Variants in PARD3B observed in about 807,000 individuals in gnomAD.
PARD3B encodes the protein par-3 family cell polarity regulator beta.
In PARD3B, 103 loss-of-function variants were observed where a neutral mutation model predicts 130.2. That is an observed-to-expected ratio of 0.79 (90% CI 0.67 to 0.93). The LOEUF (loss-of-function observed/expected upper bound fraction) is 0.93, where lower values mean the gene tolerates loss of function less well. Ranked by LOEUF, PARD3B falls within the 40% of genes least tolerant of loss-of-function variation. The pLI is 0.00. For missense variants in PARD3B, 1,609 were observed against 1,499.2 expected, an observed-to-expected ratio of 1.07 and a Z score of -1.21; for synonymous variants, 583 against 553.2, an observed-to-expected ratio of 1.05 and a Z score of -0.76.
chr2:204,559,357 C>A (rs984780785), intron 1 of PARD3B, among the ~76,000 whole-genome samples: 6 of 152,016 alleles, frequency 3.9e-5, no homozygotes, highest in African/African-American at 9.7e-5. Context: ...AAAAAAACAA[C>A]CCCATCACAA....
At chr2:205,161,411 A>C (rs1002838113) in intron 11 of PARD3B, among the ~76,000 whole-genome samples, 1 of 152,182 alleles carries the variant, frequency 6.6e-6, no homozygotes. Flanking sequence ...ATCAGTCATG[A>C]ACTTAGCCTT....
intron 15 of PARD3B, among the ~76,000 whole-genome samples, chr2:205,210,252 G>A (rs1404152631): frequency 6.6e-6 from 1 of 151,172 alleles, no homozygotes; most frequent in East Asian, 1.9e-4. Flanking sequence ...AAAATAAAAA[G>A]AAAATCAGCT....
At chr2:205,478,159 C>T (rs546575949) in intron 20 of PARD3B, among the ~76,000 whole-genome samples, 1 of 152,310 alleles carries the variant, frequency 6.6e-6, no homozygotes, top group East Asian at 1.9e-4. Context: ...CTATGGCTAC[C>T]TAGCACTGTC....
intron 20 of PARD3B, among the ~76,000 whole-genome samples, chr2:205,484,061 A>G (rs1195309252): frequency 5.9e-5 from 9 of 152,110 alleles, no homozygotes; most frequent in African/African-American, 1.7e-4. Flanking sequence ...AAATGGGGGG[A>G]AAAATACCAC....
At chr2:205,551,361 T>G (rs2052639038) in intron 21 of PARD3B, among the ~76,000 whole-genome samples, 2 of 151,934 alleles carry the variant, frequency 1.3e-5, no homozygotes, top group African/African-American at 4.8e-5. Flanking sequence ...CTTTTTTTTT[T>G]TTTTATCCCC....
rs550927824 is a variant in PARD3B, at chr2:205,009,429, T to C, written c.395-38152T>C. Among the ~76,000 whole-genome samples the C allele has an allele frequency of 4.7e-4, 71 of 151,840 alleles. 1 individual carries two copies. The South Asian group carries it at 6.3e-3, about 13-fold the overall frequency. On this transcript the variant is annotated intron_variant, in intron 3 of 22. Coordinates refer to ENST00000406610, the MANE Select transcript of PARD3B (RefSeq NM_001302769.2). ...GCTCATGCCTGTAATCCCAGCACTT[T>C]GGGAGGCAGAGGCGGGTGGATCACA...
intron 2 of PARD3B, among the ~76,000 whole-genome samples, chr2:204,845,133 T>A (rs940579884): frequency 5.3e-5 from 8 of 152,132 alleles, no homozygotes; most frequent in African/African-American, 1.9e-4. Context: ...TTTGAGAGAA[T>A]GTAATAGAGG....
intron 10 of PARD3B, among the ~76,000 whole-genome samples, chr2:205,154,964 A>G (rs1213659995): frequency 6.6e-6 from 1 of 152,166 alleles, no homozygotes; most frequent in African/African-American, 2.4e-5. Context: ...TAATGGGTGC[A>G]GCACACCAAC....
intron 2 of PARD3B, among the ~76,000 whole-genome samples, chr2:204,746,715 A>G (rs1404021874): frequency 6.6e-6 from 1 of 151,984 alleles, no homozygotes; most frequent in Admixed American, 6.5e-5. Context: ...TTTGATTTGC[A>G]TTTCTCTGAT....
intron 15 of PARD3B, among the ~76,000 whole-genome samples, chr2:205,231,371 G>C (rs902431555): frequency 1.3e-5 from 2 of 150,668 alleles, no homozygotes; most frequent in African/African-American, 4.9e-5. Context: ...CTGTTGCCCA[G>C]TCTGGAGTAC....
chr2:205,145,052 G>A (rs552950716), intron 10 of PARD3B, among the ~76,000 whole-genome samples: 3 of 152,198 alleles, frequency 2.0e-5, no homozygotes, highest in Admixed American at 6.5e-5. Flanking sequence ...GGTCCTCTAA[G>A]GAAAATGAAG....
intron 2 of PARD3B, among the ~76,000 whole-genome samples, chr2:204,873,010 A>G (rs1254469396): frequency 6.6e-6 from 1 of 152,174 alleles, no homozygotes; most frequent in African/African-American, 2.4e-5. Context: ...ACTTCACTTG[A>G]AGAAAGGGCA....
chr2:205,003,710 C>T (rs1695033839), intron 3 of PARD3B, among the ~76,000 whole-genome samples: 2 of 152,208 alleles, frequency 1.3e-5, no homozygotes, highest in Admixed American at 1.3e-4. Context: ...AGATTTCTGT[C>T]TGTTTTTCCT....
At chr2:204,996,737 C>T (rs1041545410) in intron 3 of PARD3B, among the ~76,000 whole-genome samples, 9 of 148,874 alleles carry the variant, frequency 6.0e-5, no homozygotes, top group African/African-American at 1.7e-4. Flanking sequence ...AGCGAGATTC[C>T]GTGGGCGTAG....
chr2:205,471,591 G>C (rs1199946984), intron 20 of PARD3B, among the ~76,000 whole-genome samples: 4 of 151,818 alleles, frequency 2.6e-5, no homozygotes, highest in Non-Finnish European at 4.4e-5. Context: ...TCAAACTCCT[G>C]ACCTCAGGTG....
intron 2 of PARD3B, among the ~76,000 whole-genome samples, chr2:204,768,840 T>C (rs986634090): frequency 1.3e-5 from 1 of 75,252 alleles, no homozygotes; most frequent in African/African-American, 5.6e-5. Flanking sequence ...GTGATTTTTG[T>C]ACATTGATTT....
intron 22 of PARD3B, among the ~76,000 whole-genome samples, chr2:205,595,348 C>G (rs549489808): frequency 3.3e-5 from 5 of 152,316 alleles, no homozygotes; most frequent in African/African-American, 1.2e-4. Flanking sequence ...CTCTGAAGTT[C>G]AAAAACCAGC....
chr2:205,300,461 T>G lies in PARD3B; in HGVS notation c.2186-69T>G, dbSNP rs11690400. ...TTGGGATGTCCAGACAGAAATATTC[T>G]TAGAACAATAGCATTACACCACACT... On this transcript the variant is annotated intron_variant, in intron 16 of 22. Coordinates refer to ENST00000406610, the MANE Select transcript of PARD3B (RefSeq NM_001302769.2). The surrounding 1 kb of genome is among the most constrained non-coding windows in gnomAD (Gnocchi z 4.1). 2 of 1,404,180 alleles carry G rather than the reference T, an allele frequency of 1.4e-6. No individual in the cohort carries two copies. The highest frequency in any genetic ancestry group is 2.9e-5 in the African/African-American group (2 of 70,160). The allele number at this position is 1,404,180 out of a possible 1,614,324, so 87.0% of individuals were successfully genotyped here. A position where few individuals can be genotyped will look rare whatever the true frequency, so the allele number is the denominator to read the frequency against.
chr2:204,824,147 C>G (rs2043475958), intron 2 of PARD3B, among the ~76,000 whole-genome samples: 1 of 152,150 alleles, frequency 6.6e-6, no homozygotes, highest in Non-Finnish European at 1.5e-5. Flanking sequence ...TTTCCTTTCC[C>G]CTCCAAACCA....
Sources: allele counts gnomAD v4.1 joint callset (sites outside exome capture counted in the v4.1 genomes callset), GRCh38; gene constraint gnomAD v4.1.1; non-coding constraint Gnocchi (gnomAD v3.1); transcripts MANE v1.5; gene names NCBI Gene and HGNC (gene_info 2026-07-23, HGNC 2026-07-21).